The following DNMBP variants were observed in gnomAD, a reference collection of about 807,000 sequenced individuals.
DNMBP encodes dynamin-binding protein.
In DNMBP, 87 loss-of-function variants were observed where a neutral mutation model predicts 150.0. That is an observed-to-expected ratio of 0.58 (90% CI 0.49 to 0.69). DNMBP has a LOEUF of 0.69. DNMBP is among the 30% of genes least tolerant of loss of function. DNMBP has a pLI of 0.00. For synonymous variants in DNMBP, 711 were observed against 750.4 expected (o/e 0.95, Z 0.86); for missense variants, 1,774 against 1,949.0 (o/e 0.91, Z 1.69).
chr10:99,912,315 C>T (rs2039909976), intron 4 of DNMBP, among the ~76,000 whole-genome samples: 1 of 152,132 alleles, frequency 6.6e-6, no homozygotes, highest in Non-Finnish European at 1.5e-5. Flanking sequence ...CCACTGTGTA[C>T]TCTCCTGAGA....
intron 4 of DNMBP, among the ~76,000 whole-genome samples, chr10:99,935,104 A>G (rs1053304548): frequency 1.2e-4 from 18 of 151,180 alleles, no homozygotes; most frequent in Non-Finnish European, 1.3e-4. Flanking sequence ...AAAAAAAAAA[A>G]AAAAAAAAAG....
rs1305060852 is a variant in DNMBP at position 99,876,013 on chromosome 10, T to G, written c.*1138A>C. The G allele has an allele frequency of 6.6e-6, 1 of 152,224 alleles. No homozygotes were observed. Among genetic ancestry groups the G allele is most frequent in the Non-Finnish European group, 1.5e-5 (1 of 68,040 alleles). 9.4% of individuals were successfully genotyped at this position (152,224 alleles called of 1,614,324 possible). On this transcript the variant is annotated 3_prime_UTR_variant, in exon 17 of 17. Coordinates refer to ENST00000324109, the MANE Select transcript of DNMBP (RefSeq NM_015221.4). ...AGTCTAGGATAAGCTACTTCTGGAATGGCTTATCCCAATTCAAGTAAGTCA... is the reference window on the plus strand; with the variant it reads ...AGTCTAGGATAAGCTACTTCTGGAAGGGCTTATCCCAATTCAAGTAAGTCA...
intron 1 of DNMBP, among the ~76,000 whole-genome samples, chr10:100,005,771 A>AC (rs2041062639): frequency 6.3e-5 from 9 of 141,948 alleles, no homozygotes; most frequent in Admixed American, 5.1e-4. Flanking sequence ...CTCCAAAAAA[A>AC]AAAAAAAAAA....
In DNMBP at chr10:99,978,079, C is replaced by T. The variant is rs1327898045; in HGVS notation, c.-10-5945G>A. Among the ~76,000 whole-genome samples, 8 of 152,316 alleles carry T rather than the reference C, an allele frequency of 5.3e-5. No individual in the cohort carries two copies. The East Asian group carries it at 5.8e-4, about 11-fold the overall frequency. The stretch of plus-strand genomic sequence containing the variant: ...ACTGATCTAGGAGCTTAAATCCTCA[C>T]GACTCCGCAAGGTAGACAGCAAGTC... On this transcript the variant is annotated intron_variant, in intron 1 of 16. Transcript: ENST00000324109.
At chr10:99,875,576 G>A (rs2039257023), downstream of DNMBP, 1 of 152,072 alleles carries the variant, frequency 6.6e-6, no homozygotes, top group African/African-American at 2.4e-5. Flanking sequence ...AAACATCCAA[G>A]GCCATTAGAA....
chr10:99,901,469 T>A (rs1012052135), intron 6 of DNMBP, among the ~76,000 whole-genome samples: 5 of 152,138 alleles, frequency 3.3e-5, no homozygotes, highest in Non-Finnish European at 7.4e-5. Context: ...TTTAAATAAA[T>A]GCTATATTTC....
chr10:99,889,054 A>G, intron 11 of DNMBP, 101 bp from the exon 12 acceptor site: 2 of 1,392,030 alleles, frequency 1.4e-6, no homozygotes, highest in Admixed American at 2.5e-5. Context: ...AATGAGTTCC[A>G]TAATTTGAAA....
In DNMBP at chr10:100,009,194, AGGCCCC is replaced by A. The variant is rs1387285612; in HGVS notation, c.-11+638_-11+643del. 4.6e-5 allele frequency among the ~76,000 whole-genome samples: 7 copies of A among 152,366 alleles called. No homozygotes were observed. The East Asian group carries it at 1.2e-3, about 25-fold the overall frequency. On this transcript the variant is annotated intron_variant, in intron 1 of 16. Transcript: ENST00000324109. ...TAAGTCTATACTCCTCATCTGCATCAGGCCCCGGCCTGTTTGGTAACCTCAATATTC... is the reference window on the plus strand; with the variant it reads ...TAAGTCTATACTCCTCATCTGCATCAGGCCTGTTTGGTAACCTCAATATTC...
At chr10:99,894,880 G>T in intron 11 of DNMBP, 66 bp downstream of exon 11, 2 of 1,236,466 alleles carry the variant, frequency 1.6e-6, no homozygotes, top group Non-Finnish European at 2.4e-6. Flanking sequence ...CAATATGACT[G>T]ATGAACAGGA....
chr10:99,955,553 G>T lies in DNMBP; in HGVS notation c.1921C>A (p.Pro641Thr). 1 of 1,601,436 alleles carries T rather than the reference G, an allele frequency of 6.2e-7. No homozygotes were observed. Among genetic ancestry groups the T allele is most frequent in the Non-Finnish European group, 8.5e-7 (1 of 1,174,202 alleles). ...GGAGGCAGGGGAGCTGGGCGAGAGGGTCGCACCACCAAGGGTGGTGCAGGT... is the reference window on the plus strand; with the variant it reads ...GGAGGCAGGGGAGCTGGGCGAGAGGTTCGCACCACCAAGGGTGGTGCAGGT... ...LKPAPPLVVR[P>T]SRPAPLPPSA... The change falls in exon 4 of 17, where the codon CCC becomes ACC. Residue 641 changes from proline (P) to threonine (T), a missense_variant. Pro to Thr is a conservative substitution (Grantham distance 38, BLOSUM62 -1). Coordinates refer to ENST00000324109, the MANE Select transcript of DNMBP (RefSeq NM_015221.4).
chr10:99,993,344 A>G (rs1010701008), intron 1 of DNMBP, among the ~76,000 whole-genome samples: 2 of 152,170 alleles, frequency 1.3e-5, no homozygotes, highest in African/African-American at 4.8e-5. Context: ...GGGTAATGAA[A>G]ATGCTCTGGA....
chr10:99,902,725 C>T lies in DNMBP; in HGVS notation c.2555-2659G>A, dbSNP rs557804181. Among the ~76,000 whole-genome samples, 107 of 150,780 alleles carry T rather than the reference C, an allele frequency of 7.1e-4. 1 individual carries two copies. The highest frequency in any genetic ancestry group is 2.6e-3 in the African/African-American group (105 of 41,094). Reference sequence around the variant, plus strand: ...GGCGGATCCCCTGAGGTCAGCAGTTCGAGACCAGCCTGGCCAACATGGCAA... The same window carrying T: ...GGCGGATCCCCTGAGGTCAGCAGTTTGAGACCAGCCTGGCCAACATGGCAA... On this transcript the variant is annotated intron_variant, in intron 6 of 16. Coordinates refer to ENST00000324109, the MANE Select transcript of DNMBP (RefSeq NM_015221.4).
intron 3 of DNMBP, among the ~76,000 whole-genome samples, chr10:99,962,566 G>T (rs2040576029): frequency 6.6e-6 from 1 of 152,178 alleles, no homozygotes; most frequent in Non-Finnish European, 1.5e-5. Flanking sequence ...GGGAGGCGGA[G>T]CTTGCAGTGA....
At chr10:99,959,607 C>A (rs187650441) in intron 3 of DNMBP, among the ~76,000 whole-genome samples, 78 of 152,158 alleles carry the variant, frequency 5.1e-4, no homozygotes, top group Non-Finnish European at 9.6e-4. Flanking sequence ...AATTCCAGCA[C>A]TTTGGGAGGC....
At chr10:100,004,787 G>A (rs960703881) in intron 1 of DNMBP, among the ~76,000 whole-genome samples, 1 of 152,140 alleles carries the variant, frequency 6.6e-6, no homozygotes, top group Non-Finnish European at 1.5e-5. Context: ...ATCAAAGGAT[G>A]GCAAAGACAA....
At position 99,879,084 on chromosome 10, in the gene DNMBP, CAAAAA is replaced by C. The variant is rs71009780; in HGVS notation, c.4548+722_4548+726del. Among the ~76,000 whole-genome samples the C allele has an allele frequency of 8.0e-5, 5 of 62,404 alleles. 1 individual carries two copies. Among genetic ancestry groups the C allele is most frequent in the African/African-American group, 4.1e-4 (5 of 12,212 alleles). The allele number at this position is 62,404 out of a possible 152,430, so 40.9% of individuals were successfully genotyped here. ...TGGGCGACAGAGCAAGACTCTGTCT[CAAAAA>C]AAAAAAAAAAAACCCAAAACGTTTG... On this transcript the variant is annotated intron_variant, in intron 16 of 16. Transcript: ENST00000324109.
chr10:99,900,704 C>G (rs1411278922), intron 6 of DNMBP, among the ~76,000 whole-genome samples: 1 of 152,108 alleles, frequency 6.6e-6, no homozygotes, highest in South Asian at 2.1e-4. Flanking sequence ...CATCTCGGCT[C>G]ACTGCAACAT....
chr10:99,904,054 G>A (rs1018909699), intron 6 of DNMBP, among the ~76,000 whole-genome samples: 3 of 151,746 alleles, frequency 2.0e-5, no homozygotes, highest in African/African-American at 4.8e-5. Context: ...GAGCCAACAC[G>A]CCCGGCTGAT....
At chr10:99,952,938 GCTTT>G (rs1451426274) in intron 4 of DNMBP, among the ~76,000 whole-genome samples, 1 of 152,106 alleles carries the variant, frequency 6.6e-6, no homozygotes, top group African/African-American at 2.4e-5. Flanking sequence ...CCCCTGGGTT[GCTTT>G]CTATTATTGA....
Sources: gnomAD v4.1 joint callset for allele counts (sites outside exome capture counted in the v4.1 genomes callset) on GRCh38, gnomAD v4.1.1 for gene constraint, MANE v1.5 for transcripts, NCBI Gene and HGNC (gene_info 2026-07-23, HGNC 2026-07-21) for gene names.